SNTB1: variants seen among roughly 807,000 people sequenced by gnomAD.
The protein encoded by SNTB1 is beta-1-syntrophin.
In SNTB1, 36 loss-of-function variants were observed where a neutral mutation model predicts 48.9. The observed-to-expected ratio is 0.74, with a 90% CI of 0.56 to 0.97. The LOEUF (loss-of-function observed/expected upper bound fraction) is 0.97, where lower values mean the gene tolerates loss of function less well. SNTB1 is among the 50% of genes least tolerant of loss of function. The pLI, the probability that SNTB1 is intolerant of heterozygous loss-of-function variation, is 0.00. For missense variants in SNTB1, 786 were observed against 703.4 expected, an observed-to-expected ratio of 1.12 and a Z score of -1.33; for synonymous variants, 299 against 294.6, an observed-to-expected ratio of 1.01 and a Z score of -0.15.
intron 4 of SNTB1, among the ~76,000 whole-genome samples, chr8:120,558,596 AG>A (rs1815605927): frequency 6.6e-6 from 1 of 152,176 alleles, no homozygotes; most frequent in African/African-American, 2.4e-5. Context: ...AATATCAGAG[AG>A]GGGCAACAGA....
chr8:120,670,143 C>T (rs1022763564), intron 2 of SNTB1, among the ~76,000 whole-genome samples: 3 of 152,108 alleles, frequency 2.0e-5, no homozygotes, highest in Admixed American at 6.5e-5. Context: ...AGGACACAAA[C>T]GAAATATGGG....
chr8:120,588,208 G>T (rs1007669315), intron 3 of SNTB1, among the ~76,000 whole-genome samples: 1 of 152,060 alleles, frequency 6.6e-6, no homozygotes, highest in Non-Finnish European at 1.5e-5. Context: ...GTTCTTTGAA[G>T]GAAGAAAATG....
intron 2 of SNTB1, among the ~76,000 whole-genome samples, chr8:120,670,170 G>A (rs1484444060): frequency 1.3e-5 from 2 of 152,208 alleles, no homozygotes; most frequent in Non-Finnish European, 2.9e-5. Context: ...CTTCAGCATG[G>A]ATAACAAGAA....
chr8:120,707,580 G>T (rs1242169106), intron 1 of SNTB1, among the ~76,000 whole-genome samples: 1 of 152,154 alleles, frequency 6.6e-6, no homozygotes, highest in Non-Finnish European at 1.5e-5. Flanking sequence ...TTTTAAAAAG[G>T]TAGGAAAGGA....
chr8:120,718,615 G>A (rs1047775451), intron 1 of SNTB1, among the ~76,000 whole-genome samples: 6 of 152,174 alleles, frequency 3.9e-5, no homozygotes, highest in African/African-American at 1.4e-4. Context: ...AGTGGGTCTG[G>A]TTCTGACCAC....
chr8:120,647,692 C>T (rs1173862702), intron 2 of SNTB1, among the ~76,000 whole-genome samples: 3 of 110,556 alleles, frequency 2.7e-5, no homozygotes, highest in Admixed American at 9.7e-5. Context: ...CCACTTGGTG[C>T]AGAGCTGAGT....
chr8:120,740,670 A>G (rs182696004), intron 1 of SNTB1, among the ~76,000 whole-genome samples: 147 of 152,272 alleles, frequency 9.7e-4, no homozygotes, highest in African/African-American at 3.3e-3. Context: ...CTCTGGCCCA[A>G]ATGGAAAAAC....
intron 3 of SNTB1, among the ~76,000 whole-genome samples, chr8:120,582,030 C>A (rs903354673): frequency 6.6e-6 from 1 of 152,006 alleles, no homozygotes; most frequent in African/African-American, 2.4e-5. Flanking sequence ...AGTGAAACTC[C>A]ATCTCAAAAA....
intron 1 of SNTB1, among the ~76,000 whole-genome samples, chr8:120,754,307 A>C (rs1042135187): frequency 6.6e-6 from 1 of 152,078 alleles, no homozygotes; most frequent in African/African-American, 2.4e-5. Flanking sequence ...AGCCTGGGCA[A>C]CATGGTGAAA....
At chr8:120,691,019 A>G (rs1393010936) in intron 2 of SNTB1, among the ~76,000 whole-genome samples, 2 of 150,136 alleles carry the variant, frequency 1.3e-5, no homozygotes, top group Admixed American at 1.3e-4. Flanking sequence ...AGCCCTATGT[A>G]TAATCGTCAA....
chr8:120,577,991 C>G (rs1447962935), intron 3 of SNTB1, among the ~76,000 whole-genome samples: 1 of 152,082 alleles, frequency 6.6e-6, no homozygotes, highest in Non-Finnish European at 1.5e-5. Flanking sequence ...TGGGGACAAA[C>G]AACTTTCCAA....
At chr8:120,631,675 A>G (rs1360021240) in intron 3 of SNTB1, among the ~76,000 whole-genome samples, 1 of 152,202 alleles carries the variant, frequency 6.6e-6, no homozygotes, top group Non-Finnish European at 1.5e-5. Context: ...GATCCTTTGA[A>G]ATAGAGAGAA....
intron 1 of SNTB1, among the ~76,000 whole-genome samples, chr8:120,739,390 T>C (rs1283896379): frequency 6.6e-6 from 1 of 151,958 alleles, no homozygotes; most frequent in Non-Finnish European, 1.5e-5. Flanking sequence ...ACAATGGGGG[T>C]TGTTCTCAGA....
intron 1 of SNTB1, among the ~76,000 whole-genome samples, chr8:120,704,415 C>T (rs1468761649): frequency 6.6e-6 from 1 of 151,608 alleles, no homozygotes; most frequent in Non-Finnish European, 1.5e-5. Context: ...ATGATCATGC[C>T]ACTGCACTCC....
intron 1 of SNTB1, among the ~76,000 whole-genome samples, chr8:120,791,774 A>G (rs1205626029): frequency 3.9e-5 from 6 of 151,906 alleles, no homozygotes; most frequent in Non-Finnish European, 8.8e-5. Context: ...ATCAGAATAA[A>G]CATTATTAAA....
chr8:120,696,945 G>C (rs369990123), intron 1 of SNTB1, among the ~76,000 whole-genome samples: 25 of 152,302 alleles, frequency 1.6e-4, no homozygotes, highest in African/African-American at 5.3e-4. Context: ...GTGAGTGAGA[G>C]AGTGGCAGAA....
intron 2 of SNTB1, among the ~76,000 whole-genome samples, chr8:120,634,626 A>G (rs1236250154): frequency 6.6e-6 from 1 of 152,198 alleles, no homozygotes; most frequent in African/African-American, 2.4e-5. Flanking sequence ...ACTACTCATC[A>G]TCAACAACTA....
At chr8:120,663,079 G>A (rs1007749073) in intron 2 of SNTB1, among the ~76,000 whole-genome samples, 2 of 152,046 alleles carry the variant, frequency 1.3e-5, no homozygotes, top group Non-Finnish European at 2.9e-5. Flanking sequence ...CCGTCTAGGA[G>A]AGGCCGCATA....
intron 3 of SNTB1, among the ~76,000 whole-genome samples, chr8:120,600,661 T>C (rs1373923790): frequency 2.6e-5 from 4 of 152,168 alleles, no homozygotes; most frequent in African/African-American, 9.7e-5. Flanking sequence ...AATTTATCTA[T>C]AATCTATCTT....
Sources: allele counts gnomAD v4.1 joint callset (sites outside exome capture counted in the v4.1 genomes callset), GRCh38; gene constraint gnomAD v4.1.1; transcripts MANE v1.5; gene names NCBI Gene and HGNC (gene_info 2026-07-23, HGNC 2026-07-21).